Variants in UNC5B observed in about 807,000 individuals in gnomAD.
The protein encoded by UNC5B is unc-5 netrin receptor B.
UNC5B carries 56 observed loss-of-function variants against 103.7 expected under a neutral mutation model. That is an observed-to-expected ratio of 0.54 (90% CI 0.44 to 0.67). The LOEUF (loss-of-function observed/expected upper bound fraction) is 0.67. UNC5B is among the 30% of genes least tolerant of loss of function. UNC5B has a pLI of 0.00. For synonymous variants in UNC5B, 577 were observed against 542.0 expected (o/e 1.06, Z -0.90); for missense variants, 1,194 against 1,284.5 (o/e 0.93, Z 1.08).
At position 71,299,377 on chromosome 10, in the gene UNC5B, A is replaced by G; in HGVS notation, c.*100A>G. 4 of 1,479,322 alleles carry G rather than the reference A, an allele frequency of 2.7e-6. No homozygotes were observed. The highest frequency in any genetic ancestry group is 3.7e-6 in the Non-Finnish European group (4 of 1,092,214). The allele number at this position is 1,479,322 out of a possible 1,614,324, so 91.6% of individuals were successfully genotyped here. On this transcript the variant is annotated 3_prime_UTR_variant, in exon 17 of 17. Coordinates refer to ENST00000335350, the MANE Select transcript of UNC5B (RefSeq NM_170744.5). ...GGATGTTTGGCCTCTGCTTCCTCCC[A>G]GTTCACAGCCAGAGTTGCCTCTCCT...
chr10:71,299,145 C>T lies in UNC5B; in HGVS notation c.2706C>T (p.Pro902=), dbSNP rs746019156. The T allele has an allele frequency of 6.2e-7, 1 of 1,614,224 alleles. No homozygotes were observed. Among genetic ancestry groups the T allele is most frequent in the Non-Finnish European group, 8.5e-7 (1 of 1,180,038 alleles). The stretch of plus-strand genomic sequence containing the variant: ...ATTACTTTGCCACCAAAGCGAGCCC[C>T]ACGGGTGTGATCCTGGACCTCTGGG... The part of the protein sequence containing the change: ...YLNYFATKAS[P]TGVILDLWEA... The change falls in exon 17 of 17, where the codon CCC becomes CCT. Residue 902 remains proline, a synonymous_variant. Transcript: ENST00000335350.
chr10:71,222,046 G>A (rs1308412107), intron 1 of UNC5B, among the ~76,000 whole-genome samples: 2 of 152,194 alleles, frequency 1.3e-5, no homozygotes, highest in East Asian at 1.9e-4. Flanking sequence ...TGCGTGGAAC[G>A]AAGGGAAATG....
intron 9 of UNC5B, 150 bp from the exon 10 acceptor site, chr10:71,291,282 A>C (rs1001248365): frequency 3.7e-6 from 5 of 1,357,216 alleles, no homozygotes; most frequent in Middle Eastern, 2.3e-4. Context: ...GAAGGAAGGG[A>C]GTGACCCAGG....
intron 1 of UNC5B, among the ~76,000 whole-genome samples, chr10:71,232,842 C>T (rs1843708790): frequency 1.3e-5 from 2 of 152,336 alleles, no homozygotes; most frequent in South Asian, 4.1e-4. Context: ...TGGGGCTTGA[C>T]AGTTTCCAGG....
Position 71,213,059 on chromosome 10 carries a change from A to T in UNC5B, c.74A>T (p.Gln25Leu). 1.4e-6 allele frequency: 2 copies of T among 1,395,944 alleles called. No individual in the cohort carries two copies. Among genetic ancestry groups the T allele is most frequent in the Non-Finnish European group, 1.9e-6 (2 of 1,068,056 alleles). 86.5% of individuals were successfully genotyped at this position (1,395,944 alleles called of 1,614,324 possible). Reference sequence around the variant, plus strand: ...CTCTGCTGGGACCCGAGGCTGAGCCAAGCAGGTAGGAAGCGATCGGGTCTG... The same window carrying T: ...CTCTGCTGGGACCCGAGGCTGAGCCTAGCAGGTAGGAAGCGATCGGGTCTG... Reference protein sequence around the residue: ...LLLCWDPRLSQAGTDSGSEVL... With the variant: ...LLLCWDPRLSLAGTDSGSEVL... The change falls in exon 1 of 17, where the codon CAA becomes CTA. Residue 25 changes from glutamine (Q) to leucine (L), a missense_variant. Physicochemically the swap from Gln to Leu is moderately radical, Grantham distance 113. Transcript: ENST00000335350. This position sits in a 1 kb window ranked among gnomAD's most constrained non-coding sequence, Gnocchi z 4.1.
intron 1 of UNC5B, among the ~76,000 whole-genome samples, chr10:71,255,027 A>G (rs1241851751): frequency 6.6e-6 from 1 of 152,124 alleles, no homozygotes; most frequent in Non-Finnish European, 1.5e-5. Flanking sequence ...TTGTTTTATG[A>G]TGTCATCACA....
In UNC5B at chr10:71,296,740, G is replaced by A. The variant is rs368410879; in HGVS notation, c.2488G>A (p.Glu830Lys). Residue 830 changes from glutamate (E) to lysine (K), a missense_variant and splice_region_variant, in exon 15 of 17, where the codon GAG (glutamate) becomes AAG (lysine). Transcript: ENST00000335350. ...ATTCCAGCTGCATACCACTCTGGCA[G>A]AGGTGAGGGAAGTCGGGGCCACATA... Reference protein sequence around the residue: ...QIFQLHTTLAETPAGSLDTLC... With the variant: ...QIFQLHTTLAKTPAGSLDTLC... 6.8e-5 allele frequency: 109 copies of A among 1,604,334 alleles called. No individual in the cohort carries two copies. The highest frequency in any genetic ancestry group is 9.0e-5 in the Non-Finnish European group (106 of 1,177,740).
rs1336978774 is a variant in UNC5B at position 71,263,045 on chromosome 10, A to T, written c.80-16776A>T. 2.0e-5 allele frequency among the ~76,000 whole-genome samples: 3 copies of T among 152,206 alleles called. No individual in the cohort carries two copies. The East Asian group carries it at 5.8e-4, about 29-fold the overall frequency. Reference sequence around the variant, plus strand: ...CTCTGGGGAAGTGAACTTTAAGGTGATACCTGGAGAAGGAACAGGGTTTAG... The same window carrying T: ...CTCTGGGGAAGTGAACTTTAAGGTGTTACCTGGAGAAGGAACAGGGTTTAG... On this transcript the variant is annotated intron_variant, in intron 1 of 16. Coordinates refer to ENST00000335350, the MANE Select transcript of UNC5B (RefSeq NM_170744.5).
chr10:71,216,205 G>T (rs1429649415), intron 1 of UNC5B, among the ~76,000 whole-genome samples: 1 of 152,216 alleles, frequency 6.6e-6, no homozygotes, highest in Admixed American at 6.5e-5. Context: ...AGTGCTTCTA[G>T]CTCCTTCATT....
Position 71,300,392 on chromosome 10 carries a change from G to A in UNC5B, c.*1115G>A, listed in dbSNP as rs1226752759. On this transcript the variant is annotated 3_prime_UTR_variant, in exon 17 of 17. Coordinates refer to ENST00000335350, the MANE Select transcript of UNC5B (RefSeq NM_170744.5). ...GGAGGACTGCTCAGGCCAGTTGTGAGCCAGGGAGAATGTTCCAGTCTGGTT... is the reference window on the plus strand; with the variant it reads ...GGAGGACTGCTCAGGCCAGTTGTGAACCAGGGAGAATGTTCCAGTCTGGTT... The A allele has an allele frequency of 6.6e-6, 1 of 152,360 alleles. No individual in the cohort carries two copies. Among genetic ancestry groups the A allele is most frequent in the Non-Finnish European group, 1.5e-5 (1 of 68,154 alleles). The allele number at this position is 152,360 out of a possible 1,614,324, so 9.4% of individuals were successfully genotyped here. A position where few individuals can be genotyped will look rare whatever the true frequency, so the allele number is the denominator to read the frequency against.
chr10:71,299,412 C>G lies in UNC5B; in HGVS notation c.*135C>G. The stretch of plus-strand genomic sequence containing the variant: ...CAGAGTTGCCTCTCCTCCTCCTCTT[C>G]CCCAACCCCCAGACCATGACCAGCC... On this transcript the variant is annotated 3_prime_UTR_variant, in exon 17 of 17. Transcript: ENST00000335350. 1.9e-6 allele frequency: 2 copies of G among 1,067,922 alleles called. No individual in the cohort carries two copies. The highest frequency in any genetic ancestry group is 2.5e-5 in the East Asian group (1 of 40,742). 66.2% of individuals were successfully genotyped at this position (1,067,922 alleles called of 1,614,324 possible). A position where few individuals can be genotyped will look rare whatever the true frequency, so the allele number is the denominator to read the frequency against.
At chr10:71,262,063 T>G (rs1459707136) in intron 1 of UNC5B, among the ~76,000 whole-genome samples, 1 of 152,002 alleles carries the variant, frequency 6.6e-6, no homozygotes, top group Non-Finnish European at 1.5e-5. Flanking sequence ...GACTGTTCGC[T>G]CTCAACTCTC....
rs1443994577 is a variant in UNC5B, at chr10:71,298,053, G to A, written c.2635G>A (p.Asp879Asn). 1 of 1,613,260 alleles carries A rather than the reference G, an allele frequency of 6.2e-7. No homozygotes were observed. Among genetic ancestry groups the A allele is most frequent in the Non-Finnish European group, 8.5e-7 (1 of 1,179,794 alleles). ...AGATGCCCCCAACTCACGGGGCAAT[G>A]ACTGGCGGATGTTAGCACAGAAGCT... ...SLDAPNSRGN[D>N]WRMLAQKLSM... is the part of the protein sequence containing the mutation. The change falls in exon 16 of 17, where the codon GAC (aspartate) becomes AAC (asparagine). Residue 879 changes from aspartate to asparagine, a missense_variant. Transcript: ENST00000335350.
At chr10:71,264,994 G>T (rs1378924089) in intron 1 of UNC5B, among the ~76,000 whole-genome samples, 1 of 145,364 alleles carries the variant, frequency 6.9e-6, no homozygotes, top group African/African-American at 2.5e-5. Flanking sequence ...AAAAAAAAGA[G>T]TATGGGCTTA....
At chr10:71,216,063 T>C (rs1028434008) in intron 1 of UNC5B, among the ~76,000 whole-genome samples, 2 of 152,186 alleles carry the variant, frequency 1.3e-5, no homozygotes, top group Non-Finnish European at 2.9e-5. Flanking sequence ...TTCTGTAGGA[T>C]AAAACAGTTC....
intron 1 of UNC5B, among the ~76,000 whole-genome samples, chr10:71,250,163 G>T (rs1402458334): frequency 6.6e-6 from 1 of 152,220 alleles, no homozygotes; most frequent in Non-Finnish European, 1.5e-5. Context: ...TTACCAGGTG[G>T]TGCCCCAGGC....
intron 1 of UNC5B, among the ~76,000 whole-genome samples, chr10:71,235,634 G>T (rs548987932): frequency 2.4e-4 from 36 of 152,306 alleles, no homozygotes; most frequent in South Asian, 2.1e-4. Flanking sequence ...GACACTTAGG[G>T]ACTGGTAGGG....
intron 1 of UNC5B, among the ~76,000 whole-genome samples, chr10:71,252,056 T>C (rs1299863410): frequency 6.6e-6 from 1 of 152,218 alleles, no homozygotes; most frequent in Non-Finnish European, 1.5e-5. Flanking sequence ...CACATATATA[T>C]ATTACAATAT....
At chr10:71,267,701 G>A (rs1449437782) in intron 1 of UNC5B, among the ~76,000 whole-genome samples, 2 of 151,538 alleles carry the variant, frequency 1.3e-5, no homozygotes, top group African/African-American at 4.9e-5. Context: ...TGAATGAATG[G>A]GAGTGAGTGC....
Sources: allele counts gnomAD v4.1 joint callset (sites outside exome capture counted in the v4.1 genomes callset), GRCh38; gene constraint gnomAD v4.1.1; non-coding constraint Gnocchi (gnomAD v3.1); transcripts MANE v1.5; gene names NCBI Gene and HGNC (gene_info 2026-07-23, HGNC 2026-07-21).